The following GRIP1 variants were observed in gnomAD, a reference collection of about 807,000 sequenced individuals.
The protein encoded by GRIP1 is glutamate receptor-interacting protein 1.
GRIP1 carries 45 observed loss-of-function variants against 129.9 expected under a neutral mutation model. The observed-to-expected ratio is 0.35, with a 90% confidence interval of 0.27 to 0.44. GRIP1 has a LOEUF of 0.44. Among genes scored for constraint, GRIP1 ranks in the 20% least tolerant of loss-of-function variants. The pLI is 1.00. For missense variants in GRIP1, 1,196 were observed against 1,396.8 expected (o/e 0.86, Z 2.29); for synonymous variants, 530 against 520.8 (o/e 1.02, Z -0.24).
upstream of GRIP1, among the ~76,000 whole-genome samples, chr12:66,805,975 T>TC (rs2038982978): frequency 7.5e-6 from 1 of 134,150 alleles, no homozygotes; most frequent in Non-Finnish European, 1.7e-5. Flanking sequence ...TTCTTTTTTT[T>TC]TTCTTTTTTT....
At chr12:66,948,006 A>C (rs1182031318) in intron 1 of GRIP1, among the ~76,000 whole-genome samples, 1 of 151,938 alleles carries the variant, frequency 6.6e-6, no homozygotes, top group Non-Finnish European at 1.5e-5. Flanking sequence ...TGCTTATCAG[A>C]CTCCTTTATA....
intron 1 of GRIP1, among the ~76,000 whole-genome samples, chr12:66,821,150 T>C (rs893319124): frequency 1.3e-5 from 2 of 152,172 alleles, no homozygotes; most frequent in Admixed American, 1.3e-4. Context: ...TCAATTTTGT[T>C]ATGAACCAAA....
intron 1 of GRIP1, among the ~76,000 whole-genome samples, chr12:66,775,759 C>A (rs1205407377): frequency 6.6e-6 from 1 of 152,038 alleles, no homozygotes; most frequent in Non-Finnish European, 1.5e-5. Context: ...AAAACAACTG[C>A]TCTTTCTCCA....
At chr12:66,613,624 G>A (rs761679402) in intron 1 of GRIP1, among the ~76,000 whole-genome samples, 31 of 152,000 alleles carry the variant, frequency 2.0e-4, no homozygotes, top group Non-Finnish European at 3.1e-4. Context: ...AGAACTTTCC[G>A]ATTTCTGTCT....
chr12:66,636,755 C>G (rs61926099), intron 1 of GRIP1, among the ~76,000 whole-genome samples: 3 of 114,916 alleles, frequency 2.6e-5, no homozygotes, highest in South Asian at 2.7e-4. Flanking sequence ...GTGTGTGTGT[C>G]TCACTCTCTC....
At chr12:66,648,043 T>C (rs540674669) in intron 1 of GRIP1, among the ~76,000 whole-genome samples, 22 of 152,166 alleles carry the variant, frequency 1.4e-4, no homozygotes, top group Non-Finnish European at 2.8e-4. Context: ...TTGAAAATAG[T>C]TGCTAAAAGC....
chr12:66,615,539 A>T (rs2065003451), intron 1 of GRIP1, among the ~76,000 whole-genome samples: 2 of 152,236 alleles, frequency 1.3e-5, no homozygotes, highest in African/African-American at 4.8e-5. Context: ...CAAAGTGTAT[A>T]TCCACTCTAC....
chr12:66,684,924 T>C (rs1435918622), intron 1 of GRIP1, among the ~76,000 whole-genome samples: 1 of 152,144 alleles, frequency 6.6e-6, no homozygotes, highest in Non-Finnish European at 1.5e-5. Context: ...CCAACATCTG[T>C]GGGCAGCCTT....
At chr12:66,647,343 T>G (rs1344249221) in intron 1 of GRIP1, 1 of 152,214 alleles carries the variant, frequency 6.6e-6, no homozygotes, top group Non-Finnish European at 1.5e-5. Flanking sequence ...GAAATTTAGG[T>G]GGACATGTTG....
intron 1 of GRIP1, among the ~76,000 whole-genome samples, chr12:66,610,613 T>C (rs1183673254): frequency 6.6e-6 from 1 of 152,166 alleles, no homozygotes; most frequent in Non-Finnish European, 1.5e-5. Flanking sequence ...ATATAATTCA[T>C]GGACTTTGGA....
At chr12:66,470,409 C>G (rs1175752006) in intron 7 of GRIP1, among the ~76,000 whole-genome samples, 3 of 149,304 alleles carry the variant, frequency 2.0e-5, no homozygotes, top group African/African-American at 5.0e-5. Context: ...CAGAATGCCC[C>G]ACCTCTTCCT....
At chr12:66,977,626 C>A (rs1198910317) in intron 1 of GRIP1, among the ~76,000 whole-genome samples, 1 of 151,846 alleles carries the variant, frequency 6.6e-6, no homozygotes, top group Admixed American at 6.6e-5. Context: ...TTAGTTTTGC[C>A]CATTTTTAAG....
intron 1 of GRIP1, among the ~76,000 whole-genome samples, chr12:66,638,598 A>T (rs12299575): frequency 6.6e-6 from 1 of 152,232 alleles, no homozygotes; most frequent in Admixed American, 6.5e-5. Flanking sequence ...TAGTTTAAGC[A>T]CTTCTCTTAC....
At chr12:66,422,692 A>G (rs967046603) in intron 14 of GRIP1, among the ~76,000 whole-genome samples, 1 of 152,206 alleles carries the variant, frequency 6.6e-6, no homozygotes, top group African/African-American at 2.4e-5. Flanking sequence ...GAAATATAGC[A>G]CTATAAGGTC....
intron 1 of GRIP1, among the ~76,000 whole-genome samples, chr12:66,738,443 G>A (rs1011877088): frequency 1.3e-5 from 2 of 151,820 alleles, no homozygotes; most frequent in Non-Finnish European, 1.5e-5. Context: ...AGATGGTCTC[G>A]ATCTCCTGAC....
At chr12:66,414,174 T>C (rs1248777492) in intron 15 of GRIP1, among the ~76,000 whole-genome samples, 1 of 152,132 alleles carries the variant, frequency 6.6e-6, no homozygotes, top group Non-Finnish European at 1.5e-5. Flanking sequence ...GCAGATGACA[T>C]GATCCTATAT....
chr12:66,665,605 A>G (rs2033752419), intron 1 of GRIP1, among the ~76,000 whole-genome samples: 1 of 152,166 alleles, frequency 6.6e-6, no homozygotes, highest in Non-Finnish European at 1.5e-5. Context: ...AGAATCATGC[A>G]TTTTATTGCA....
At chr12:66,781,657 T>C (rs1283245456) in intron 1 of GRIP1, among the ~76,000 whole-genome samples, 1 of 152,054 alleles carries the variant, frequency 6.6e-6, no homozygotes, top group African/African-American at 2.4e-5. Flanking sequence ...GCAAGAACAA[T>C]AGGTATGAAT....
chr12:66,949,936 T>TTTTTTGTA (rs1244481380), intron 1 of GRIP1, among the ~76,000 whole-genome samples: 1 of 151,706 alleles, frequency 6.6e-6, no homozygotes, highest in Non-Finnish European at 1.5e-5. Flanking sequence ...GCCCGGCTAA[T>TTTTTTGTA]TTTTTGTATT....
Sources: allele counts gnomAD v4.1 joint callset (sites outside exome capture counted in the v4.1 genomes callset), GRCh38; gene constraint gnomAD v4.1.1; transcripts MANE v1.5; gene names NCBI Gene and HGNC (gene_info 2026-07-23, HGNC 2026-07-21).